The following SDK2 variants were observed in gnomAD, a reference collection of about 807,000 sequenced individuals.
SDK2 encodes the protein sidekick cell adhesion molecule 2.
SDK2 carries 105 observed loss-of-function variants against 253.9 expected under a neutral mutation model. The observed-to-expected ratio is 0.41, with a 90% CI of 0.35 to 0.49. SDK2 has a LOEUF of 0.49. SDK2 is among the 20% of genes least tolerant of loss of function. SDK2 has a pLI of 0.06. For synonymous variants in SDK2, 1,249 were observed against 1,234.9 expected (o/e 1.01, Z -0.24); for missense variants, 2,608 against 3,003.0 (o/e 0.87, Z 3.07).
rs1203643330 is a variant in SDK2, at chr17:73,362,254, CT to C, written c.5306-410del. Among the ~76,000 whole-genome samples the C allele has an allele frequency of 2.0e-5, 3 of 152,216 alleles. No individual in the cohort carries two copies. The East Asian group carries it at 5.8e-4, about 29-fold the overall frequency. ...CATCCCATGGGACTAGAATTATATC[CT>C]TTTTCAGGAAGTGCTTCCATAAAAA... On this transcript the variant is annotated intron_variant, in intron 38 of 44. Coordinates refer to ENST00000392650, the MANE Select transcript of SDK2 (RefSeq NM_001144952.2).
intron 38 of SDK2, among the ~76,000 whole-genome samples, chr17:73,363,457 C>G (rs1016085106): frequency 1.3e-5 from 2 of 152,208 alleles, no homozygotes; most frequent in Non-Finnish European, 2.9e-5. Flanking sequence ...GGAACAGGGA[C>G]TCTGGCTACC....
intron 37 of SDK2, among the ~76,000 whole-genome samples, chr17:73,367,968 G>C (rs2062699775): frequency 1.3e-5 from 2 of 152,190 alleles, no homozygotes; most frequent in Admixed American, 1.3e-4. Context: ...CCCGCACTAG[G>C]GTGGGGACCT....
chr17:73,640,206 G>A (rs1440815665), intron 1 of SDK2, among the ~76,000 whole-genome samples: 1 of 147,922 alleles, frequency 6.8e-6, no homozygotes, highest in Non-Finnish European at 1.5e-5. Flanking sequence ...AGGACACGAG[G>A]AAGAGGCAGT....
rs577155582 is a variant in SDK2, at chr17:73,503,199, G to A, written c.224+4239C>T. Among the ~76,000 whole-genome samples the A allele has an allele frequency of 4.6e-5, 7 of 152,324 alleles. No individual in the cohort carries two copies. In the East Asian group the frequency reaches 5.8e-4, roughly 13 times the overall value. On this transcript the variant is annotated intron_variant, in intron 2 of 44. Coordinates refer to ENST00000392650, the MANE Select transcript of SDK2 (RefSeq NM_001144952.2). Reference sequence around the variant, plus strand: ...TCACACGTGATCCCCGATTAGGTCCGGCGTTGAAGAAGAACAACAACCATG... The same window carrying A: ...TCACACGTGATCCCCGATTAGGTCCAGCGTTGAAGAAGAACAACAACCATG...
intron 12 of SDK2, among the ~76,000 whole-genome samples, chr17:73,424,616 G>C (rs1008502429): frequency 6.6e-6 from 1 of 152,198 alleles, no homozygotes; most frequent in Non-Finnish European, 1.5e-5. Context: ...ACACGCATCA[G>C]TGCTTGACAA....
chr17:73,495,957 T>G (rs1378141734), intron 2 of SDK2, among the ~76,000 whole-genome samples: 1 of 152,220 alleles, frequency 6.6e-6, no homozygotes, highest in Non-Finnish European at 1.5e-5. Flanking sequence ...ACCATCAGCC[T>G]TCAATTTTCA....
chr17:73,400,091 G>A (rs781176273), intron 21 of SDK2, among the ~76,000 whole-genome samples: 11 of 152,186 alleles, frequency 7.2e-5, no homozygotes, highest in Admixed American at 3.9e-4. Context: ...AGCCATCTAC[G>A]CAGCAGGTGG....
chr17:73,453,380 TTTTTC>T (rs2063502134), intron 4 of SDK2, among the ~76,000 whole-genome samples: 1 of 150,958 alleles, frequency 6.6e-6, no homozygotes, highest in Admixed American at 6.6e-5. Flanking sequence ...GTTTTTTTTT[TTTTTC>T]TTTTTTTTTG....
At chr17:73,607,715 G>A (rs929631149) in intron 1 of SDK2, among the ~76,000 whole-genome samples, 1 of 152,144 alleles carries the variant, frequency 6.6e-6, no homozygotes, top group African/African-American at 2.4e-5. Flanking sequence ...ACAGAACAGA[G>A]GCCACACGGC....
intron 1 of SDK2, among the ~76,000 whole-genome samples, chr17:73,572,130 T>C (rs2045397348): frequency 1.3e-5 from 2 of 152,144 alleles, no homozygotes. Flanking sequence ...TTCTACCAAA[T>C]CAGAGCTGTC....
chr17:73,561,153 C>T (rs966078342), intron 1 of SDK2, among the ~76,000 whole-genome samples: 4 of 152,148 alleles, frequency 2.6e-5, no homozygotes, highest in African/African-American at 9.7e-5. Context: ...TAGCTGTGCC[C>T]GAGATGGGGC....
Position 73,440,830 on chromosome 17 carries a change from T to G in SDK2, c.707A>C (p.Glu236Ala), listed in dbSNP as rs944734147. 1 of 1,551,468 alleles carries G rather than the reference T, an allele frequency of 6.4e-7. No homozygotes were observed. Among genetic ancestry groups the G allele is most frequent in the Non-Finnish European group, 8.7e-7 (1 of 1,146,796 alleles). ...TACCTACCTGGCATTGGCCACACACTCCAAGGTAACCTCTGAGGTGCCGGC... is the reference window on the plus strand; with the variant it reads ...TACCTACCTGGCATTGGCCACACACGCCAAGGTAACCTCTGAGGTGCCGGC... The part of the protein sequence containing the change: ...VVAGTSEVTL[E>A]CVANARPLIK... Residue 236 changes from glutamate (E) to alanine (A), a missense_variant, in exon 6 of 45, where the codon GAG becomes GCG. Physicochemically the swap from Glu to Ala is moderately radical, Grantham distance 107. Transcript: ENST00000392650.
At chr17:73,454,612 AAG>A (rs569502345) in intron 4 of SDK2, among the ~76,000 whole-genome samples, 195 of 152,290 alleles carry the variant, frequency 1.3e-3, no homozygotes, top group Middle Eastern at 0.01. Context: ...GCTGTCCGGA[AAG>A]AGAGGGGATG....
At chr17:73,633,552 C>T (rs2046294635) in intron 1 of SDK2, among the ~76,000 whole-genome samples, 1 of 152,190 alleles carries the variant, frequency 6.6e-6, no homozygotes, top group African/African-American at 2.4e-5. Context: ...GAGGCCCACA[C>T]AGAGTCATGA....
At chr17:73,400,577 G>A (rs780004132) in intron 21 of SDK2, among the ~76,000 whole-genome samples, 26 of 152,132 alleles carry the variant, frequency 1.7e-4, no homozygotes, top group African/African-American at 6.0e-4. Flanking sequence ...GCTCTGAGGG[G>A]ACCCAGACCC....
At chr17:73,497,338 G>A (rs2063850150) in intron 2 of SDK2, among the ~76,000 whole-genome samples, 1 of 152,106 alleles carries the variant, frequency 6.6e-6, no homozygotes, top group Non-Finnish European at 1.5e-5. Flanking sequence ...GTTCTGCCAG[G>A]CTGGTTTCCA....
intron 42 of SDK2, 27 bp downstream of exon 42, chr17:73,350,623 C>T (rs2062528761): frequency 6.2e-7 from 1 of 1,601,810 alleles, no homozygotes; most frequent in African/African-American, 1.3e-5. Flanking sequence ...CAAGTCCAGC[C>T]AGCATGGCTG....
At chr17:73,368,131 G>T (rs918056186) in intron 37 of SDK2, among the ~76,000 whole-genome samples, 2 of 152,156 alleles carry the variant, frequency 1.3e-5, no homozygotes, top group African/African-American at 4.8e-5. Context: ...GGGGCTGGGG[G>T]TGCTGACTGT....
At chr17:73,351,807 TCA>T (rs2062541212) in intron 41 of SDK2, among the ~76,000 whole-genome samples, 1 of 152,076 alleles carries the variant, frequency 6.6e-6, no homozygotes, top group Admixed American at 6.6e-5. Context: ...TTTGGTTTTA[TCA>T]ATGTGGGTAA....
Sources: gnomAD v4.1 joint callset for allele counts (sites outside exome capture counted in the v4.1 genomes callset) on GRCh38, gnomAD v4.1.1 for gene constraint, MANE v1.5 for transcripts, NCBI Gene and HGNC (gene_info 2026-07-23, HGNC 2026-07-21) for gene names.